The following CCSER1 variants were observed in gnomAD, a reference collection of about 807,000 sequenced individuals.
CCSER1 encodes coiled-coil serine rich protein 1, also known as serine-rich coiled-coil domain-containing protein 1.
Under a neutral mutation model 82.0 loss-of-function variants are expected in CCSER1, and 41 were observed. That is an observed-to-expected ratio of 0.50 (90% CI 0.39 to 0.65). The LOEUF is 0.65. CCSER1 is among the 30% of genes least tolerant of loss of function. The pLI, the probability that CCSER1 is intolerant of heterozygous loss-of-function variation, is 0.00. For missense variants in CCSER1, 1,119 were observed against 1,064.2 expected (o/e 1.05, Z -0.72); for synonymous variants, 414 against 383.9 (o/e 1.08, Z -0.92).
chr4:91,575,232 A>G lies in CCSER1; in HGVS notation c.2218-23340A>G, dbSNP rs114872327. 5.7e-3 allele frequency among the ~76,000 whole-genome samples: 874 copies of G among 152,186 alleles called. 6 individuals are homozygous for G. Among genetic ancestry groups the G allele is most frequent in the African/African-American group, 0.02 (820 of 41,562 alleles). Reference sequence around the variant, plus strand: ...AAGATCAATTTAAAATGGATTAAAGATTTAAACATAAGACCTAAAACCATA... The same window carrying G: ...AAGATCAATTTAAAATGGATTAAAGGTTTAAACATAAGACCTAAAACCATA... On this transcript the variant is annotated intron_variant, in intron 10 of 10. Coordinates refer to ENST00000509176, the MANE Select transcript of CCSER1 (RefSeq NM_001145065.2).
chr4:90,608,059 T>G (rs1354027283), intron 5 of CCSER1, among the ~76,000 whole-genome samples: 1 of 152,216 alleles, frequency 6.6e-6, no homozygotes, highest in Non-Finnish European at 1.5e-5. Context: ...AATATTTATT[T>G]TTACATTGCT....
At chr4:91,281,227 G>T (rs759041745) in intron 10 of CCSER1, among the ~76,000 whole-genome samples, 3 of 151,986 alleles carry the variant, frequency 2.0e-5, no homozygotes, top group Non-Finnish European at 4.4e-5. Context: ...ATTTTTCATT[G>T]CATTTCAGCA....
At chr4:90,893,378 CT>C (rs1723219979) in intron 8 of CCSER1, among the ~76,000 whole-genome samples, 1 of 152,092 alleles carries the variant, frequency 6.6e-6, no homozygotes, top group African/African-American at 2.4e-5. Flanking sequence ...GACTGAATGT[CT>C]CTGGCATGTC....
chr4:90,239,333 A>G (rs1185794838), intron 1 of CCSER1, among the ~76,000 whole-genome samples: 1 of 152,214 alleles, frequency 6.6e-6, no homozygotes, highest in Non-Finnish European at 1.5e-5. Context: ...TGAGACATAT[A>G]CTGCACTTTA....
At chr4:91,186,078 A>T (rs1408015686) in intron 10 of CCSER1, among the ~76,000 whole-genome samples, 2 of 152,184 alleles carry the variant, frequency 1.3e-5, no homozygotes, top group Non-Finnish European at 1.5e-5. Context: ...TCCTGCCTGA[A>T]TAGAACTAAG....
chr4:91,249,950 T>TAAA (rs57121000), intron 10 of CCSER1, among the ~76,000 whole-genome samples: 1 of 147,144 alleles, frequency 6.8e-6, no homozygotes, highest in Non-Finnish European at 1.5e-5. Context: ...TCCTGAATAA[T>TAAA]AAAAAAAAAA....
intron 1 of CCSER1, among the ~76,000 whole-genome samples, chr4:90,186,985 A>C (rs1734732832): frequency 6.6e-6 from 1 of 151,956 alleles, no homozygotes; most frequent in Non-Finnish European, 1.5e-5. Context: ...CTGATAAATT[A>C]ATATTCTTTA....
chr4:90,381,614 A>G (rs906763552), intron 3 of CCSER1, among the ~76,000 whole-genome samples: 3 of 152,208 alleles, frequency 2.0e-5, no homozygotes, highest in African/African-American at 7.2e-5. Flanking sequence ...AAATGTAATG[A>G]TCCTGTTGCT....
intron 7 of CCSER1, among the ~76,000 whole-genome samples, chr4:90,792,219 C>T (rs986481254): frequency 2.6e-5 from 4 of 151,948 alleles, no homozygotes; most frequent in African/African-American, 9.7e-5. Flanking sequence ...TATTGATGCT[C>T]GAGTCCATGA....
chr4:90,993,560 C>T (rs1450972627), intron 9 of CCSER1, among the ~76,000 whole-genome samples: 1 of 151,820 alleles, frequency 6.6e-6, no homozygotes, highest in African/African-American at 2.4e-5. Context: ...ATAAGAAATA[C>T]ATAGACTGGA....
chr4:90,918,031 T>C (rs1464672261), intron 8 of CCSER1, among the ~76,000 whole-genome samples: 1 of 152,098 alleles, frequency 6.6e-6, no homozygotes, highest in Non-Finnish European at 1.5e-5. Context: ...TTTTTCTAGC[T>C]TTTACCTATC....
chr4:90,934,928 TCACA>T (rs930357576), intron 9 of CCSER1, among the ~76,000 whole-genome samples: 1 of 151,116 alleles, frequency 6.6e-6, no homozygotes, highest in Non-Finnish European at 1.5e-5. Flanking sequence ...TGAAACTCCA[TCACA>T]CACACACACG....
chr4:91,115,355 C>T (rs1214141290), intron 10 of CCSER1, among the ~76,000 whole-genome samples: 2 of 151,978 alleles, frequency 1.3e-5, no homozygotes, highest in Non-Finnish European at 2.9e-5. Flanking sequence ...GAGATGGAGT[C>T]TTGCTCTGTT....
intron 10 of CCSER1, among the ~76,000 whole-genome samples, chr4:91,173,411 G>T (rs1461341207): frequency 6.6e-6 from 1 of 151,952 alleles, no homozygotes; most frequent in Non-Finnish European, 1.5e-5. Flanking sequence ...TGGCTAACAC[G>T]GTGAAACCCC....
At chr4:90,409,513 T>A (rs1272583877) in intron 4 of CCSER1, among the ~76,000 whole-genome samples, 1 of 152,182 alleles carries the variant, frequency 6.6e-6, no homozygotes. Flanking sequence ...ACCCAGAATT[T>A]AATATCCAGC....
chr4:91,548,581 GTCTT>G lies in CCSER1; in HGVS notation c.2218-49989_2218-49986del, dbSNP rs997298598. On this transcript the variant is annotated intron_variant, in intron 10 of 10. Transcript: ENST00000509176. ...TCCTTCAATTTTTTTTTTTTTGAAA[GTCTT>G]TATTTCTCCTTCAGTTTTGAAGAAT... Among the ~76,000 whole-genome samples the G allele has an allele frequency of 3.0e-4, 45 of 148,344 alleles. No individual in the cohort carries two copies. In the East Asian group the frequency reaches 8.5e-3, roughly 28 times the overall value.
At chr4:91,101,796 G>A (rs1725090632) in intron 10 of CCSER1, among the ~76,000 whole-genome samples, 1 of 152,176 alleles carries the variant, frequency 6.6e-6, no homozygotes. Flanking sequence ...TGAGTCTTTA[G>A]AACTATACCT....
At chr4:91,058,731 T>C (rs180962968) in intron 9 of CCSER1, among the ~76,000 whole-genome samples, 23 of 152,136 alleles carry the variant, frequency 1.5e-4, no homozygotes, top group Non-Finnish European at 2.8e-4. Context: ...TAAACTTATA[T>C]TATTTTATGA....
intron 7 of CCSER1, among the ~76,000 whole-genome samples, chr4:90,761,522 G>A (rs183673199): frequency 1.8e-3 from 272 of 152,224 alleles, no homozygotes; most frequent in South Asian, 2.9e-3. Flanking sequence ...CGAGTTATAG[G>A]ATGGATATGT....
Sources: allele counts gnomAD v4.1 joint callset (sites outside exome capture counted in the v4.1 genomes callset), GRCh38; gene constraint gnomAD v4.1.1; transcripts MANE v1.5; gene names NCBI Gene and HGNC (gene_info 2026-07-23, HGNC 2026-07-21).